LOC128462377: variants seen among roughly 807,000 people sequenced by gnomAD.
At chr16:89,343,312 G>C in the LOC128462377 span, among the ~76,000 whole-genome samples, 70,466 of 152,090 alleles carry the variant, frequency 0.46, 16,558 homozygotes, top group Middle Eastern at 0.61. Flanking sequence ...TTTTTAAAAA[G>C]CAATACCTGT....
chr16:89,325,950 G>C, the LOC128462377 span, among the ~76,000 whole-genome samples: 1 of 152,188 alleles, frequency 6.6e-6, no homozygotes. Flanking sequence ...CCAGCATGTC[G>C]GGCAGGCCTA....
the LOC128462377 span, among the ~76,000 whole-genome samples, chr16:89,388,510 T>C: frequency 6.6e-6 from 1 of 151,890 alleles, no homozygotes; most frequent in African/African-American, 2.4e-5. Context: ...TGTGGTGCTG[T>C]CGAACGCACA....
chr16:89,322,180 A>G, the LOC128462377 span, among the ~76,000 whole-genome samples: 2 of 152,204 alleles, frequency 1.3e-5, no homozygotes, highest in African/African-American at 4.8e-5. Context: ...TGTATTGTTC[A>G]AGGGTTTGCT....
the LOC128462377 span, among the ~76,000 whole-genome samples, chr16:89,319,468 CTG>C: frequency 6.6e-6 from 1 of 152,252 alleles, no homozygotes; most frequent in Non-Finnish European, 1.5e-5. Context: ...CAGGTGTACG[CTG>C]TGTTTTCTGG....
At chr16:89,372,927 A>AG in the LOC128462377 span, 2 of 152,352 alleles carry the variant, frequency 1.3e-5, no homozygotes, top group South Asian at 2.1e-4. Context: ...CACCTCAGAG[A>AG]GTATCACCCA....
the LOC128462377 span, among the ~76,000 whole-genome samples, chr16:89,362,145 A>G: frequency 6.6e-6 from 1 of 152,274 alleles, no homozygotes; most frequent in Non-Finnish European, 1.5e-5. Flanking sequence ...TGGCTTAACA[A>G]ATGTGAGTGG....
the LOC128462377 span, among the ~76,000 whole-genome samples, chr16:89,346,019 A>T: frequency 8.5e-5 from 13 of 152,076 alleles, no homozygotes; most frequent in Admixed American, 8.5e-4. Context: ...AAGCAGGCGG[A>T]TCACTTGAGG....
the LOC128462377 span, among the ~76,000 whole-genome samples, chr16:89,408,089 C>T: frequency 6.6e-6 from 1 of 152,192 alleles, no homozygotes; most frequent in Non-Finnish European, 1.5e-5. Flanking sequence ...AGCCACTGCA[C>T]ATGTGTGACC....
At chr16:89,372,794 T>C in the LOC128462377 span, 1 of 152,178 alleles carries the variant, frequency 6.6e-6, no homozygotes, top group Non-Finnish European at 1.5e-5. Context: ...TAAACAAATG[T>C]TGAGAGTCAG....
At chr16:89,336,255 C>G in the LOC128462377 span, among the ~76,000 whole-genome samples, 4 of 152,212 alleles carry the variant, frequency 2.6e-5, no homozygotes, top group Non-Finnish European at 5.9e-5. Flanking sequence ...CAGAGCTGGA[C>G]CTGGTGCCTG....
chr16:89,380,899 G>A, the LOC128462377 span, among the ~76,000 whole-genome samples: 2 of 152,246 alleles, frequency 1.3e-5, no homozygotes, highest in Admixed American at 1.3e-4. Flanking sequence ...GTCGTGGGCA[G>A]AGGACAGCTG....
chr16:89,323,574 G>A, the LOC128462377 span, among the ~76,000 whole-genome samples: 1 of 45,792 alleles, frequency 2.2e-5, no homozygotes, highest in East Asian at 5.8e-4. Context: ...AAGGGCACGG[G>A]GGCTAAGCCC....
chr16:89,349,362 C>A, the LOC128462377 span, among the ~76,000 whole-genome samples: 1 of 151,674 alleles, frequency 6.6e-6, no homozygotes, highest in Non-Finnish European at 1.5e-5. Flanking sequence ...CGCCTGTAGT[C>A]CCAGCTACTT....
At chr16:89,373,594 G>C in the LOC128462377 span, 1 of 152,248 alleles carries the variant, frequency 6.6e-6, no homozygotes, top group Admixed American at 6.5e-5. Flanking sequence ...GAAAACATCG[G>C]CATGTGACTG....
the LOC128462377 span, among the ~76,000 whole-genome samples, chr16:89,336,472 G>A: frequency 6.6e-6 from 1 of 152,260 alleles, no homozygotes; most frequent in East Asian, 1.9e-4. Context: ...GGAGGGGCCA[G>A]ACGGAGTCCA....
At chr16:89,380,510 C>T in the LOC128462377 span, among the ~76,000 whole-genome samples, 1 of 152,206 alleles carries the variant, frequency 6.6e-6, no homozygotes, top group African/African-American at 2.4e-5. Context: ...GACCAGCAGT[C>T]TCCACCTGCA....
At chr16:89,352,871 T>C in the LOC128462377 span, among the ~76,000 whole-genome samples, 2 of 152,208 alleles carry the variant, frequency 1.3e-5, no homozygotes, top group African/African-American at 4.8e-5. Context: ...CCTTTCCCTC[T>C]TTTCTCTCAC....
At chr16:89,332,096 T>C in the LOC128462377 span, among the ~76,000 whole-genome samples, 5 of 151,872 alleles carry the variant, frequency 3.3e-5, no homozygotes, top group Admixed American at 2.0e-4. Context: ...GAGACCAGAC[T>C]GGGCAACATG....
chr16:89,317,666 G>C, the LOC128462377 span, among the ~76,000 whole-genome samples: 1 of 152,144 alleles, frequency 6.6e-6, no homozygotes, highest in East Asian at 1.9e-4. Flanking sequence ...CCAACTCCAC[G>C]CCCATGGAAG....
Sources: allele counts gnomAD v4.1 joint callset (sites outside exome capture counted in the v4.1 genomes callset), GRCh38; gene constraint gnomAD v4.1.1; transcripts MANE v1.5.